Variants in COX18 observed in about 807,000 individuals in gnomAD.
COX18 encodes cytochrome c oxidase assembly factor COX18.
COX18 carries 45 observed loss-of-function variants against 38.0 expected under a neutral mutation model. That is an observed-to-expected ratio of 1.18 (90% CI 0.93 to 1.52). The LOEUF (loss-of-function observed/expected upper bound fraction) is 1.52, where lower values mean the gene tolerates loss of function less well. COX18 is among the 40% of genes most tolerant of loss of function. The pLI, the probability that COX18 is intolerant of heterozygous loss-of-function variation, is 0.00. For synonymous variants in COX18, 177 were observed against 169.8 expected (o/e 1.04, Z -0.33); for missense variants, 462 against 423.8 (o/e 1.09, Z -0.79).
chr4:73,068,747 G>C (rs1720596604), intron 1 of COX18: 1 of 152,860 alleles, frequency 6.5e-6, no homozygotes, highest in Non-Finnish European at 1.5e-5. Context: ...CTCTGATAAC[G>C]CTGTGAAGTA....
At position 73,055,062 on chromosome 4, in the gene COX18, G is replaced by C. The variant is rs948788082; in HGVS notation, c.*3052C>G. 1 of 152,224 alleles carries C rather than the reference G, an allele frequency of 6.6e-6. No individual in the cohort carries two copies. Among genetic ancestry groups the C allele is most frequent in the Non-Finnish European group, 1.5e-5 (1 of 68,042 alleles). 9.4% of individuals were successfully genotyped at this position (152,224 alleles called of 1,614,324 possible). ...AGACTGATTTCCCTCATGCCATTAT[G>C]AGAAAAATATCTGAGTGTACTCACT... On this transcript the variant is annotated 3_prime_UTR_variant, in exon 6 of 6. Transcript: ENST00000507544.
intron 5 of COX18, among the ~76,000 whole-genome samples, chr4:73,059,387 G>A (rs1720040544): frequency 2.0e-5 from 3 of 152,170 alleles, no homozygotes; most frequent in Admixed American, 2.0e-4. Flanking sequence ...ATCTACCTCA[G>A]AGGATTGCTG....
chr4:73,067,916 A>T (rs6845082), intron 2 of COX18, 113 bp downstream of exon 2: 30,856 of 303,856 alleles, frequency 0.1, 3,225 homozygotes, highest in East Asian at 0.2. Flanking sequence ...CCAAAACTAC[A>T]GAATACTCAA....
chr4:73,064,778 C>T lies in COX18; in HGVS notation c.723G>A (p.Glu241=), dbSNP rs145347106. The change falls in exon 4 of 6, where the codon GAG becomes GAA. Residue 241 remains glutamate, a splice_region_variant and synonymous_variant. Transcript: ENST00000507544. ...ACAAATTTCATTTAAAACTACTGAC[C>T]TCCACTATTAACAAATTGATGACGC... is the stretch of plus-strand genomic sequence containing the variant. The part of the protein sequence containing the change: ...SVGVINLLIV[E]ICALQKIGMS... The T allele has an allele frequency of 3.3e-5, 54 of 1,612,842 alleles. No homozygotes were observed. Among genetic ancestry groups the T allele is most frequent in the Non-Finnish European group, 4.4e-5 (52 of 1,179,208 alleles).
At chr4:73,067,864 A>AAAAAAAATATAT in intron 2 of COX18, among the ~76,000 whole-genome samples, 165 bp downstream of exon 2, 27 of 20,006 alleles carry the variant, frequency 1.3e-3, no homozygotes, top group African/African-American at 2.1e-3. Context: ...AAAAAAAAAA[A>AAAAAAAATATAT]ATATATATAT....
At chr4:73,060,250 C>T (rs1720082383) in intron 5 of COX18, among the ~76,000 whole-genome samples, 1 of 152,126 alleles carries the variant, frequency 6.6e-6, no homozygotes, top group Non-Finnish European at 1.5e-5. Context: ...TGTTTTAGAT[C>T]TCTTGTTACT....
chr4:73,058,066 T>C lies in COX18; in HGVS notation c.*48A>G, dbSNP rs1719977460. ...CTGAATTTCTAAGTCTAAATACATT[T>C]AGATGATAGTGACTCCTGCAACTGT... On this transcript the variant is annotated 3_prime_UTR_variant, in exon 6 of 6. Transcript: ENST00000507544. 2.5e-6 allele frequency: 3 copies of C among 1,223,236 alleles called. No homozygotes were observed. The highest frequency in any genetic ancestry group is 2.8e-5 in the South Asian group (2 of 71,366). The allele number at this position is 1,223,236 out of a possible 1,614,324, so 75.8% of individuals were successfully genotyped here. A position where few individuals can be genotyped will look rare whatever the true frequency, so the allele number is the denominator to read the frequency against.
rs943017477 is a variant in COX18, at chr4:73,054,347, C to T, written c.*3767G>A. 2 of 152,182 alleles carry T rather than the reference C, an allele frequency of 1.3e-5. No homozygotes were observed. Among genetic ancestry groups the T allele is most frequent in the African/African-American group, 4.8e-5 (2 of 41,446 alleles). 9.4% of individuals were successfully genotyped at this position (152,182 alleles called of 1,614,324 possible). A position where few individuals can be genotyped will look rare whatever the true frequency, so the allele number is the denominator to read the frequency against. ...ACTTGCAATTTTCTGAAATACAATA[C>T]AGATTTTTTGCTCTTTACTAAAAAA... On this transcript the variant is annotated 3_prime_UTR_variant, in exon 6 of 6. Transcript: ENST00000507544.
chr4:73,069,671 A>C lies in COX18; in HGVS notation c.-22T>G. 1.3e-6 allele frequency: 2 copies of C among 1,538,380 alleles called. No individual in the cohort carries two copies. The highest frequency in any genetic ancestry group is 1.7e-6 in the Non-Finnish European group (2 of 1,147,402). On this transcript the variant is annotated 5_prime_UTR_variant, in exon 1 of 6. Transcript: ENST00000507544. ...GCATTTCTGCACCACGGCGGAGCCC[A>C]GATCCCGGGCCTCACAATCCAGCGG...
Position 73,069,684 on chromosome 4 carries a change from C to T in COX18, c.-35G>A. ...ACGGCGGAGCCCAGATCCCGGGCCT[C>T]ACAATCCAGCGGACATACACCGGCC... is the stretch of plus-strand genomic sequence containing the variant. On this transcript the variant is annotated 5_prime_UTR_variant, in exon 1 of 6. The change abolishes the stop of an existing upstream ORF in the 5' untranslated region. Coordinates refer to ENST00000507544, the MANE Select transcript of COX18 (RefSeq NM_001297732.2). 6.5e-7 allele frequency: 1 copy of T among 1,531,708 alleles called. No individual in the cohort carries two copies. The allele number at this position is 1,531,708 out of a possible 1,614,324, so 94.9% of individuals were successfully genotyped here.
At chr4:73,065,153 C>G (rs1720372754) in intron 3 of COX18, 97 bp downstream of exon 3, 2 of 1,152,518 alleles carry the variant, frequency 1.7e-6, no homozygotes, top group Admixed American at 4.9e-5. Context: ...GTAAACATAT[C>G]GTAATTATGA....
At chr4:73,067,334 C>G (rs370070440) in intron 2 of COX18, among the ~76,000 whole-genome samples, 14 of 152,348 alleles carry the variant, frequency 9.2e-5, no homozygotes, top group African/African-American at 2.6e-4. Context: ...CCTGTGAACC[C>G]TGCCCTGACC....
At chr4:73,065,132 T>C in intron 3 of COX18, 118 bp downstream of exon 3, 1 of 1,041,034 alleles carries the variant, frequency 9.6e-7, no homozygotes, top group South Asian at 1.7e-5. Context: ...TATACCCTTA[T>C]AAGGAAGATA....
At chr4:73,067,484 A>G (rs929847687) in intron 2 of COX18, among the ~76,000 whole-genome samples, 2 of 152,046 alleles carry the variant, frequency 1.3e-5, no homozygotes, top group African/African-American at 4.8e-5. Context: ...ATCTTTATCT[A>G]TTTATTTCTT....
chr4:73,069,103 A>G (rs1379301281), intron 1 of COX18, among the ~76,000 whole-genome samples: 2 of 152,270 alleles, frequency 1.3e-5, no homozygotes, highest in Non-Finnish European at 2.9e-5. Flanking sequence ...AAGAAATGAC[A>G]GGTACACGTG....
rs780500120 is a variant in COX18 at position 73,058,173 on chromosome 4, C to T, written c.946G>A (p.Glu316Lys). ...GCAAATATGTCTTTATAAGGAGTTT[C>T]TGAATCTGACTTGGTCGATGGTATT... is the stretch of plus-strand genomic sequence containing the variant. ...CRIPSTKSDS[E>K]TPYKDIFAAF... Residue 316 changes from glutamate to lysine, a missense_variant, in exon 6 of 6, where the codon GAA becomes AAA. Coordinates refer to ENST00000507544, the MANE Select transcript of COX18 (RefSeq NM_001297732.2). 1 of 1,613,142 alleles carries T rather than the reference C, an allele frequency of 6.2e-7. No individual in the cohort carries two copies. Among genetic ancestry groups the T allele is most frequent in the Admixed American group, 1.7e-5 (1 of 59,856 alleles).
Position 73,052,658 on chromosome 4 carries a change from G to C in COX18, c.*5456C>G, listed in dbSNP as rs1224214332. On this transcript the variant is annotated 3_prime_UTR_variant, in exon 6 of 6. Transcript: ENST00000507544. Reference sequence around the variant, plus strand: ...AATTCATATAATTTCCAATTATCTGGGTTCTGCTTGAACCAGCTCGTAAGG... The same window carrying C: ...AATTCATATAATTTCCAATTATCTGCGTTCTGCTTGAACCAGCTCGTAAGG... 2.0e-5 allele frequency: 3 copies of C among 151,918 alleles called. No homozygotes were observed. Among genetic ancestry groups the C allele is most frequent in the African/African-American group, 7.3e-5 (3 of 41,354 alleles). 9.4% of individuals were successfully genotyped at this position (151,918 alleles called of 1,614,324 possible).
chr4:73,062,777 C>T (rs1720239352), intron 4 of COX18, among the ~76,000 whole-genome samples: 1 of 150,524 alleles, frequency 6.6e-6, no homozygotes, highest in Non-Finnish European at 1.5e-5. Context: ...GCACAGGTTG[C>T]AGTGAGCTGA....
Position 73,069,343 on chromosome 4 carries a change from C to A in COX18, c.307G>T (p.Ala103Ser). 6.5e-7 allele frequency: 1 copy of A among 1,548,064 alleles called. No individual in the cohort carries two copies. The highest frequency in any genetic ancestry group is 2.0e-5 in the Admixed American group (1 of 51,168). ...TTGGCCAGGATGTAGTGCTGGTAGG[C>A]TGCCAAAGGCAGCGTGACAGCACCC... ...LRGAVTLPLA[A>S]YQHYILAKVE... The change falls in exon 1 of 6, where the codon GCC becomes TCC. Residue 103 changes from alanine to serine, a missense_variant. Coordinates refer to ENST00000507544, the MANE Select transcript of COX18 (RefSeq NM_001297732.2).
Sources: gnomAD v4.1 joint callset for allele counts (sites outside exome capture counted in the v4.1 genomes callset) on GRCh38, gnomAD v4.1.1 for gene constraint, MANE v1.5 for transcripts, NCBI Gene and HGNC (gene_info 2026-07-23, HGNC 2026-07-21) for gene names.